RAB5B: variants seen among roughly 807,000 people sequenced by gnomAD.
RAB5B encodes RAB5B, member RAS oncogene family.
In RAB5B, 11 loss-of-function variants were observed where a neutral mutation model predicts 28.6. That is an observed-to-expected ratio of 0.38 (90% CI 0.24 to 0.64). The LOEUF (loss-of-function observed/expected upper bound fraction) is 0.64, where lower values mean the gene tolerates loss of function less well. Among genes scored for constraint, RAB5B ranks in the 30% least tolerant of loss-of-function variants. The pLI is 0.53. For missense variants in RAB5B, 169 were observed against 265.6 expected, an observed-to-expected ratio of 0.64 and a Z score of 2.53; for synonymous variants, 93 against 97.9, an observed-to-expected ratio of 0.95 and a Z score of 0.29.
rs1418226679 is a variant in RAB5B at position 55,991,363 on chromosome 12, G to A, written c.442G>A (p.Ala148Thr). 1 of 1,613,152 alleles carries A rather than the reference G, an allele frequency of 6.2e-7. No homozygotes were observed. Among genetic ancestry groups the A allele is most frequent in the Non-Finnish European group, 8.5e-7 (1 of 1,179,168 alleles). Residue 148 changes from alanine (A) to threonine (T), a missense_variant, in exon 5 of 6, where the codon GCC (alanine) becomes ACC (threonine). Ala to Thr is a moderately conservative substitution (Grantham distance 58). This residue lies in a region of RAB5B where 123 missense variants were observed against 162.4 expected (regional missense o/e 0.76). Transcript: ENST00000360299. ...TAATACATCCCACTCCTTGCAGGAG[G>A]CCCAGGCATATGCAGATGACAACAG... ...ANKRMVEYEEAQAYADDNSLL... is the reference protein window; with the variant it reads ...ANKRMVEYEETQAYADDNSLL...
intron 1 of RAB5B, among the ~76,000 whole-genome samples, chr12:55,983,529 CAGAATACCCAGT>C (rs1889865632): frequency 6.6e-6 from 1 of 152,112 alleles, no homozygotes; most frequent in East Asian, 1.9e-4. Context: ...AAGGGGACTA[CAGAATACCCAGT>C]AGAATCAAAG....
At chr12:55,989,543 G>T (rs1347266870) in intron 2 of RAB5B, among the ~76,000 whole-genome samples, 2 of 152,194 alleles carry the variant, frequency 1.3e-5, no homozygotes, top group African/African-American at 4.8e-5. Context: ...ACCTCCCAAA[G>T]TGCTGGGATT....
chr12:55,995,369 G>T lies in RAB5B; in HGVS notation c.*3157G>T, dbSNP rs1241734051. ...CTCCCAAAGTGCTGGGATTACGGGC[G>T]TGAGCCACTGCGCCCGGCCGTATGT... On this transcript the variant is annotated 3_prime_UTR_variant, in exon 6 of 6. Coordinates refer to ENST00000360299, the MANE Select transcript of RAB5B (RefSeq NM_002868.4). 6.6e-6 allele frequency: 1 copy of T among 152,216 alleles called. No homozygotes were observed. Among genetic ancestry groups the T allele is most frequent in the Non-Finnish European group, 1.5e-5 (1 of 68,060 alleles). 9.4% of individuals were successfully genotyped at this position (152,216 alleles called of 1,614,324 possible).
At chr12:55,985,628 A>G (rs1228272895) in intron 1 of RAB5B, 11 of 450,644 alleles carry the variant, frequency 2.4e-5, no homozygotes, top group South Asian at 1.6e-4. Context: ...TAGAAGATAG[A>G]GGAGCTGATT....
chr12:55,975,149 T>C (rs548501753), intron 1 of RAB5B, among the ~76,000 whole-genome samples: 1 of 152,286 alleles, frequency 6.6e-6, no homozygotes, highest in Admixed American at 6.5e-5. Context: ...CTATTTCATA[T>C]CTATTTCATT....
intron 2 of RAB5B, 137 bp from the exon 3 acceptor site, chr12:55,989,810 A>G: frequency 9.3e-7 from 1 of 1,075,946 alleles, no homozygotes; most frequent in African/African-American, 1.5e-5. Flanking sequence ...AGGAGAACTC[A>G]AAACCTTTTC....
chr12:55,975,138 T>C (rs1459014031), intron 1 of RAB5B, among the ~76,000 whole-genome samples: 1 of 152,206 alleles, frequency 6.6e-6, no homozygotes, highest in African/African-American at 2.4e-5. Flanking sequence ...GAACTGAGAA[T>C]CTATTTCATA....
chr12:55,982,244 CAAA>C (rs62786060), intron 1 of RAB5B, among the ~76,000 whole-genome samples: 70 of 115,070 alleles, frequency 6.1e-4, no homozygotes, highest in Non-Finnish European at 7.3e-4. Flanking sequence ...ACTGGTTTAC[CAAA>C]AAAAAAAAAA....
chr12:55,990,088 T>C lies in RAB5B; in HGVS notation c.305T>C (p.Ile102Thr), dbSNP rs1417556898. ...GAQAAIVVYDITNQETFARAK... is the reference protein window; with the variant it reads ...GAQAAIVVYDTTNQETFARAK... ...CAAGCTGCAATCGTGGTTTACGACA[T>C]TACTAATCAGGTAAGTGAGCTAAGA... is the stretch of plus-strand genomic sequence containing the variant. Residue 102 changes from isoleucine (I) to threonine (T), a missense_variant, in exon 3 of 6, where the codon ATT (isoleucine) becomes ACT (threonine). This residue lies in a region of RAB5B where 123 missense variants were observed against 162.4 expected (regional missense o/e 0.76). Coordinates refer to ENST00000360299, the MANE Select transcript of RAB5B (RefSeq NM_002868.4). 6.2e-7 allele frequency: 1 copy of C among 1,613,730 alleles called. No homozygotes were observed. Among genetic ancestry groups the C allele is most frequent in the East Asian group, 2.2e-5 (1 of 44,874 alleles).
At chr12:55,982,462 TATTC>T (rs1243288955) in intron 1 of RAB5B, among the ~76,000 whole-genome samples, 1 of 152,100 alleles carries the variant, frequency 6.6e-6, no homozygotes, top group Non-Finnish European at 1.5e-5. Context: ...AGGCAGGACA[TATTC>T]TTTCTTTTTC....
intron 1 of RAB5B, among the ~76,000 whole-genome samples, chr12:55,982,359 CTATTA>C (rs1264785653): frequency 6.6e-6 from 1 of 151,792 alleles, no homozygotes; most frequent in Admixed American, 6.6e-5. Flanking sequence ...GAGAGTCTAG[CTATTA>C]TATTTTTTAA....
chr12:55,991,753 C>T, intron 5 of RAB5B: 1 of 390,186 alleles, frequency 2.6e-6, no homozygotes, highest in Non-Finnish European at 4.8e-6. Context: ...GTGGTGAAAC[C>T]CCGTCTCTAC....
intron 1 of RAB5B, among the ~76,000 whole-genome samples, chr12:55,985,261 G>A (rs1466389033): frequency 6.6e-6 from 1 of 152,134 alleles, no homozygotes; most frequent in African/African-American, 2.4e-5. Context: ...GATCTAGTAA[G>A]TGGGGTTACT....
chr12:55,991,380 T>C lies in RAB5B; in HGVS notation c.459T>C (p.Asp153=). Residue 153 remains aspartate (D), a synonymous_variant, in exon 5 of 6, where the codon GAT becomes GAC. Coordinates refer to ENST00000360299, the MANE Select transcript of RAB5B (RefSeq NM_002868.4). The part of the protein sequence containing the change: ...VEYEEAQAYA[D]DNSLLFMETS... ...TGCAGGAGGCCCAGGCATATGCAGA[T>C]GACAACAGCTTATTGTTCATGGAGA... The C allele has an allele frequency of 6.2e-7, 1 of 1,614,034 alleles. No homozygotes were observed. Among genetic ancestry groups the C allele is most frequent in the Non-Finnish European group, 8.5e-7 (1 of 1,179,904 alleles).
chr12:55,990,348 C>T (rs992329409), intron 3 of RAB5B: 3 of 467,544 alleles, frequency 6.4e-6, no homozygotes, highest in Non-Finnish European at 1.1e-5. Context: ...GCGGAGGTTG[C>T]AGTGAGCCGA....
Position 55,990,724 on chromosome 12 carries a change from CG to C in RAB5B, c.359del (p.Arg120HisfsTer49). On this transcript the variant is annotated frameshift_variant, in exon 4 of 6. Coordinates refer to ENST00000360299, the MANE Select transcript of RAB5B (RefSeq NM_002868.4). LOFTEE classifies it high-confidence loss of function. The stretch of plus-strand genomic sequence containing the variant: ...AAAGACATGGGTGAAGGAACTACAG[CG>C]ACAGGCCAGTCCTAGCATCGTTATT... ...RAKTWVKELQ[R>X]QASPSIVIAL... 6.2e-7 allele frequency: 1 copy of C among 1,614,038 alleles called. No individual in the cohort carries two copies.
intron 3 of RAB5B, 149 bp downstream of exon 3, chr12:55,990,247 A>C: frequency 1.2e-6 from 1 of 863,392 alleles, no homozygotes; most frequent in Non-Finnish European, 1.7e-6. Context: ...GTCTCTACTA[A>C]AATTACAAAA....
intron 2 of RAB5B, among the ~76,000 whole-genome samples, chr12:55,987,615 A>C (rs1377510214): frequency 6.6e-6 from 1 of 152,062 alleles, no homozygotes; most frequent in Non-Finnish European, 1.5e-5. Flanking sequence ...GGATCACCTG[A>C]GGTCAGGAGT....
intron 1 of RAB5B, among the ~76,000 whole-genome samples, chr12:55,978,137 G>C (rs1414005296): frequency 6.6e-6 from 1 of 152,182 alleles, no homozygotes; most frequent in Non-Finnish European, 1.5e-5. Flanking sequence ...AGATCCCAAG[G>C]GGGCCCTCCA....
Sources: allele counts gnomAD v4.1 joint callset (sites outside exome capture counted in the v4.1 genomes callset), GRCh38; gene constraint gnomAD v4.1.1; regional missense constraint gnomAD v4.1.1; transcripts MANE v1.5; gene names NCBI Gene and HGNC (gene_info 2026-07-23, HGNC 2026-07-21).